NARS2: variants seen among roughly 807,000 people sequenced by gnomAD.
NARS2 encodes asparaginyl-tRNA synthetase.
In NARS2, 60 loss-of-function variants were observed where a neutral mutation model predicts 62.9. That is an observed-to-expected ratio of 0.95 (90% confidence interval 0.77 to 1.18). NARS2 has a LOEUF of 1.18. Ranked by LOEUF, NARS2 falls within the 50% of genes most tolerant of loss-of-function variation. The probability of loss-of-function intolerance (pLI) is 0.00; values close to 1 mark genes in which losing one functional copy is unlikely to be tolerated. For synonymous variants in NARS2, 196 were observed against 200.0 expected, an observed-to-expected ratio of 0.98 and a Z score of 0.17; for missense variants, 619 against 576.4, an observed-to-expected ratio of 1.07 and a Z score of -0.76.
intron 5 of NARS2, among the ~76,000 whole-genome samples, chr11:78,542,028 C>G (rs1489958456): frequency 1.3e-5 from 2 of 152,212 alleles, no homozygotes; most frequent in Non-Finnish European, 2.9e-5. Flanking sequence ...TGTTTCCATA[C>G]TTTCCACTTG....
chr11:78,466,613 T>TG (rs1367359186), intron 10 of NARS2, among the ~76,000 whole-genome samples: 1 of 152,110 alleles, frequency 6.6e-6, no homozygotes, highest in East Asian at 1.9e-4. Flanking sequence ...CCCAAGTAAC[T>TG]GGGACTTCAG....
At chr11:78,557,668 T>A (rs1856403189) in intron 5 of NARS2, among the ~76,000 whole-genome samples, 1 of 152,160 alleles carries the variant, frequency 6.6e-6, no homozygotes, top group African/African-American at 2.4e-5. Flanking sequence ...TGAAATAATA[T>A]GAACATAGTA....
chr11:78,464,675 G>A (rs1000185326), intron 11 of NARS2, among the ~76,000 whole-genome samples: 19 of 152,066 alleles, frequency 1.2e-4, no homozygotes, highest in Non-Finnish European at 2.4e-4. Context: ...GCTGATTGGT[G>A]TATTTACAAT....
chr11:78,490,036 C>T (rs1307438193), intron 7 of NARS2, among the ~76,000 whole-genome samples: 3 of 151,930 alleles, frequency 2.0e-5, no homozygotes, highest in Non-Finnish European at 4.4e-5. Flanking sequence ...GAGACCCTGC[C>T]TCAAAAAACA....
At chr11:78,505,544 T>C (rs368411038) in intron 6 of NARS2, among the ~76,000 whole-genome samples, 3 of 152,082 alleles carry the variant, frequency 2.0e-5, no homozygotes, top group African/African-American at 4.8e-5. Flanking sequence ...TCACAGGTTA[T>C]AGCAGCAAAG....
intron 7 of NARS2, among the ~76,000 whole-genome samples, chr11:78,489,438 T>C (rs749816029): frequency 1.1e-4 from 16 of 152,332 alleles, no homozygotes; most frequent in Non-Finnish European, 1.9e-4. Flanking sequence ...TGCCTGACAG[T>C]ACTTGGTACT....
intron 5 of NARS2, among the ~76,000 whole-genome samples, chr11:78,540,445 T>A (rs1245063652): frequency 6.6e-6 from 1 of 151,362 alleles, no homozygotes; most frequent in Non-Finnish European, 1.5e-5. Flanking sequence ...TAAATAGCAG[T>A]AAGCTGAACA....
chr11:78,536,494 C>T (rs1198185696), intron 5 of NARS2, among the ~76,000 whole-genome samples: 1 of 151,978 alleles, frequency 6.6e-6, no homozygotes, highest in East Asian at 1.9e-4. Context: ...CCCGTATAGG[C>T]CTAGGCTAAT....
chr11:78,441,710 C>CA (rs773790665), intron 12 of NARS2, among the ~76,000 whole-genome samples: 8,745 of 127,172 alleles, frequency 0.069, 604 homozygotes, highest in African/African-American at 0.19. Context: ...GACTCCATCT[C>CA]AAAAAAAAAA....
chr11:78,545,070 C>T (rs764515440), intron 5 of NARS2, among the ~76,000 whole-genome samples: 3 of 152,092 alleles, frequency 2.0e-5, no homozygotes, highest in Non-Finnish European at 4.4e-5. Context: ...TATATAAAGG[C>T]TACTTACATT....
intron 10 of NARS2, 24 bp from the exon 11 acceptor site, chr11:78,466,037 C>T (rs1410111791): frequency 3.8e-6 from 6 of 1,561,498 alleles, no homozygotes; most frequent in Admixed American, 4.1e-5. Context: ...AAAGAAATGA[C>T]CAAAAGAGGA....
chr11:78,562,790 T>C (rs1410642416), intron 4 of NARS2, among the ~76,000 whole-genome samples: 1 of 152,186 alleles, frequency 6.6e-6, no homozygotes, highest in East Asian at 1.9e-4. Flanking sequence ...TTTTTCATAC[T>C]CAAACCAAGA....
At position 78,439,716 on chromosome 11, in the gene NARS2, C is replaced by T. The variant is rs145103188; in HGVS notation, c.1289+1375G>A. Among the ~76,000 whole-genome samples the T allele has an allele frequency of 3.0e-3, 452 of 152,250 alleles. 3 individuals are homozygous for T. Among genetic ancestry groups the T allele is most frequent in the African/African-American group, 0.01 (427 of 41,536 alleles). On this transcript the variant is annotated intron_variant, in intron 13 of 13. Coordinates refer to ENST00000281038, the MANE Select transcript of NARS2 (RefSeq NM_024678.6). ...TGCATCTCTGAAACCTATCTCCTTC[C>T]ATACCAAAAGGCGAGGGTGTAGGTA...
intron 6 of NARS2, among the ~76,000 whole-genome samples, chr11:78,523,126 C>T (rs1590812163): frequency 6.6e-6 from 1 of 152,086 alleles, no homozygotes; most frequent in African/African-American, 2.4e-5. Context: ...CAAGGACTTA[C>T]ATAGACATTT....
intron 6 of NARS2, among the ~76,000 whole-genome samples, chr11:78,518,102 G>C (rs1315920024): frequency 6.6e-6 from 1 of 151,426 alleles, no homozygotes; most frequent in African/African-American, 2.4e-5. Context: ...AAAATATTTG[G>C]AAAAAACAAA....
At chr11:78,465,815 G>C in intron 11 of NARS2, 61 bp downstream of exon 11, 1 of 1,533,334 alleles carries the variant, frequency 6.5e-7, no homozygotes, top group Non-Finnish European at 9.0e-7. Context: ...AGATCACAAA[G>C]GCTAAATGAA....
At chr11:78,558,219 C>CA (rs1254305530) in intron 5 of NARS2, 1 of 152,176 alleles carries the variant, frequency 6.6e-6, no homozygotes, top group South Asian at 2.1e-4. Context: ...CTAATACCCC[C>CA]ACTCTAAATG....
At position 78,574,673 on chromosome 11, in the gene NARS2, T is replaced by C. The variant is rs1857065944; in HGVS notation, c.-185A>G. ...CCCAGCTCTGTCCCCACAGAACCTCTCCGCTTCCCACTTCCCAACGGGGCG... is the reference window on the plus strand; with the variant it reads ...CCCAGCTCTGTCCCCACAGAACCTCCCCGCTTCCCACTTCCCAACGGGGCG... On this transcript the variant is annotated 5_prime_UTR_variant, in exon 1 of 14. Transcript: ENST00000281038. The C allele has an allele frequency of 3.2e-6, 2 of 624,520 alleles. No individual in the cohort carries two copies. Among genetic ancestry groups the C allele is most frequent in the East Asian group, 2.9e-5 (1 of 34,106 alleles). The allele number at this position is 624,520 out of a possible 1,614,324, so 38.7% of individuals were successfully genotyped here.
intron 11 of NARS2, among the ~76,000 whole-genome samples, chr11:78,462,586 G>A (rs535327819): frequency 6.2e-4 from 94 of 152,316 alleles, no homozygotes; most frequent in African/African-American, 2.2e-3. Context: ...ACACTTTAAA[G>A]CTAAAGAGAA....
Sources: gnomAD v4.1 joint callset for allele counts (sites outside exome capture counted in the v4.1 genomes callset) on GRCh38, gnomAD v4.1.1 for gene constraint, MANE v1.5 for transcripts, NCBI Gene and HGNC (gene_info 2026-07-23, HGNC 2026-07-21) for gene names.